Variants in ZNF443 observed in about 807,000 individuals in gnomAD.
The protein encoded by ZNF443 is zinc finger protein 443.
Under a neutral mutation model 12.0 loss-of-function variants are expected in ZNF443, and 3 were observed. The ratio of observed to expected loss-of-function variants is 0.25; its 90% CI spans 0.11 to 0.64. The LOEUF is 0.64. Among genes scored for constraint, ZNF443 ranks in the 30% least tolerant of loss-of-function variants. The pLI is 0.84. For missense variants in ZNF443, 770 were observed against 808.8 expected (o/e 0.95, Z 0.58); for synonymous variants, 225 against 265.9 (o/e 0.85, Z 1.50).
intron 1 of ZNF443, among the ~76,000 whole-genome samples, chr19:12,434,797 C>T (rs1213880498): frequency 6.6e-6 from 1 of 152,028 alleles, no homozygotes; most frequent in East Asian, 1.9e-4. Context: ...ATCTCTCCCC[C>T]ATCAATGACA....
chr19:12,433,729 C>T (rs921304137), intron 1 of ZNF443, among the ~76,000 whole-genome samples: 2 of 151,464 alleles, frequency 1.3e-5, no homozygotes, highest in East Asian at 1.9e-4. Flanking sequence ...TTCTGAGAGT[C>T]TGGAATTTTG....
chr19:12,431,280 T>C lies in ZNF443; in HGVS notation c.892A>G (p.Ile298Val), dbSNP rs766544851. The change falls in exon 4 of 4, where the codon ATA (isoleucine) becomes GTA (valine). Residue 298 changes from isoleucine to valine, a missense_variant. By Grantham distance (29) the Ile-to-Val change is conservative. Coordinates refer to ENST00000301547, the MANE Select transcript of ZNF443 (RefSeq NM_005815.5). The stretch of plus-strand genomic sequence containing the variant: ...TCTCCAGTGTGAGTTCTTTCATGTA[T>C]TAGACAAGAACTGGAATCAGGGAAG... ...KAFPDSSSCL[I>V]HERTHTGEKP... 1.2e-6 allele frequency: 2 copies of C among 1,614,186 alleles called. No individual in the cohort carries two copies. The highest frequency in any genetic ancestry group is 1.1e-5 in the South Asian group (1 of 91,080).
At chr19:12,439,486 G>T (rs1487078314) in intron 1 of ZNF443, among the ~76,000 whole-genome samples, 2 of 152,118 alleles carry the variant, frequency 1.3e-5, no homozygotes, top group African/African-American at 4.8e-5. Context: ...CTTGGCAGCT[G>T]TGGACATCCA....
chr19:12,437,703 T>G (rs1305952404), intron 1 of ZNF443, among the ~76,000 whole-genome samples: 2 of 152,090 alleles, frequency 1.3e-5, no homozygotes, highest in East Asian at 3.8e-4. Context: ...GAAAACTATT[T>G]TTTTTATTCT....
rs1970237264 is a variant in ZNF443, at chr19:12,430,505, C to A, written c.1667G>T (p.Gly556Val). The A allele has an allele frequency of 6.2e-7, 1 of 1,614,160 alleles. No homozygotes were observed. The highest frequency in any genetic ancestry group is 8.5e-7 in the Non-Finnish European group (1 of 1,179,990). Residue 556 changes from glycine (G) to valine (V), a missense_variant, in exon 4 of 4, where the codon GGA (glycine) becomes GTA (valine). By Grantham distance (109) the Gly-to-Val change is moderately radical (BLOSUM62 -3). Transcript: ENST00000301547. ...TTCCTTACATTCATACGGCTTCTCT[C>A]CAGAGTGAATTCTTTCATGTACCTT... ...NLKVHERIHSGEKPYECKECG... is the reference protein window; with the variant it reads ...NLKVHERIHSVEKPYECKECG...
rs186925665 is a variant in ZNF443 at position 12,430,874 on chromosome 19, G to C, written c.1298C>G (p.Pro433Arg). 1 of 1,613,866 alleles carries C rather than the reference G, an allele frequency of 6.2e-7. No homozygotes were observed. Among genetic ancestry groups the C allele is most frequent in the Non-Finnish European group, 8.5e-7 (1 of 1,179,928 alleles). ...CCTTTCATGTCTTTGAAATACACTG[G>C]GATAAACAAAGGCTTTCCCACATAC... ...CKVCGKAFVY[P>R]SVFQRHERTH... is the part of the protein sequence containing the mutation. Residue 433 changes from proline to arginine, a missense_variant, in exon 4 of 4, where the codon CCC becomes CGC. Transcript: ENST00000301547.
chr19:12,430,600 C>T lies in ZNF443; in HGVS notation c.1572G>A (p.Arg524=). Residue 524 remains arginine (R), a synonymous_variant, in exon 4 of 4, where the codon AGG becomes AGA. Coordinates refer to ENST00000301547, the MANE Select transcript of ZNF443 (RefSeq NM_005815.5). ...SRFRYLSRHK[R]THTGEKPYEC... ...CATAAGGTTTCTCTCCTGTGTGAGT[C>T]CTTTTATGTCGAGAAAGGTATCTGA... is the stretch of plus-strand genomic sequence containing the variant. The T allele has an allele frequency of 6.2e-7, 1 of 1,613,472 alleles. No homozygotes were observed. Among genetic ancestry groups the T allele is most frequent in the Non-Finnish European group, 8.5e-7 (1 of 1,179,824 alleles).
chr19:12,435,188 C>T (rs574057332), intron 1 of ZNF443, among the ~76,000 whole-genome samples: 7 of 152,180 alleles, frequency 4.6e-5, no homozygotes, highest in African/African-American at 1.7e-4. Context: ...GTTGGCCAGG[C>T]TGGTCTCAAA....
chr19:12,440,375 G>C (rs1346682367), intron 1 of ZNF443, among the ~76,000 whole-genome samples: 1 of 152,002 alleles, frequency 6.6e-6, no homozygotes, highest in Non-Finnish European at 1.5e-5. Context: ...AATCCCAGCA[G>C]AAAGGCTGGC....
Position 12,441,018 on chromosome 19 carries a change from C to G in ZNF443, c.-104G>C, listed in dbSNP as rs117371426. The G allele has an allele frequency of 4.4e-6, 7 of 1,600,798 alleles. No individual in the cohort carries two copies. The highest frequency in any genetic ancestry group is 6.0e-6 in the Non-Finnish European group (7 of 1,173,306). ...TCAGAACTTCCAGGTCGTCTCTCAG[C>G]TACAGAACCCAGAGCCGAGCGCAGG... On this transcript the variant is annotated 5_prime_UTR_variant, in exon 1 of 4. Coordinates refer to ENST00000301547, the MANE Select transcript of ZNF443 (RefSeq NM_005815.5).
In ZNF443 at chr19:12,430,313, T is replaced by G. The variant is rs1599619505; in HGVS notation, c.1859A>C (p.Glu620Ala). Residue 620 changes from glutamate to alanine, a missense_variant, in exon 4 of 4, where the codon GAA becomes GCA. Physicochemically the swap from Glu to Ala is moderately radical, Grantham distance 107 (BLOSUM62 -1). Transcript: ENST00000301547. Reference sequence around the variant, plus strand: ...GAGAGAAGCAAATGCTTTCCCACATTCCTTACATTCATACGGGTTCTCTCC... The same window carrying G: ...GAGAGAAGCAAATGCTTTCCCACATGCCTTACATTCATACGGGTTCTCTCC... The part of the protein sequence containing the change: ...HTGENPYECK[E>A]CGKAFASLSS... The G allele has an allele frequency of 6.2e-7, 1 of 1,613,632 alleles. No individual in the cohort carries two copies. The highest frequency in any genetic ancestry group is 8.5e-7 in the Non-Finnish European group (1 of 1,179,854).
In ZNF443 at chr19:12,435,306, T is replaced by C. The variant is rs866003233; in HGVS notation, c.4-2109A>G. ...CCTCTCTTCTACTTTATCTACAATA[T>C]AACACGATCAGGGTCCAATTTGGCA... is the stretch of plus-strand genomic sequence containing the variant. On this transcript the variant is annotated intron_variant, in intron 1 of 3. Transcript: ENST00000301547. Among the ~76,000 whole-genome samples the C allele has an allele frequency of 6.8e-4, 104 of 152,170 alleles. No homozygotes were observed. The Middle Eastern group carries it at 0.01, about 15-fold the overall frequency.
chr19:12,433,988 TAG>T (rs2144952790), intron 1 of ZNF443, among the ~76,000 whole-genome samples: 1 of 152,296 alleles, frequency 6.6e-6, no homozygotes, highest in African/African-American at 2.4e-5. Context: ...AGATCTGAGC[TAG>T]ACACTCAGCT....
chr19:12,431,466 A>C lies in ZNF443; in HGVS notation c.706T>G (p.Phe236Val). 1.9e-6 allele frequency: 3 copies of C among 1,613,780 alleles called. No individual in the cohort carries two copies. The highest frequency in any genetic ancestry group is 8.5e-7 in the Non-Finnish European group (1 of 1,179,912). The change falls in exon 4 of 4, where the codon TTT becomes GTT. Residue 236 changes from phenylalanine to valine, a missense_variant. By Grantham distance (50) the Phe-to-Val change is conservative. This residue lies in a region of ZNF443 where 736 missense variants were observed against 689.4 expected (regional missense o/e 1.07). Transcript: ENST00000301547. ...TCATGTCTTAGATAGGAACTGTAAA[A>C]AGAAAAGGCTTTAGAACACTGCTTA... The part of the protein sequence containing the change: ...ECKQCSKAFS[F>V]YSSYLRHERT...
chr19:12,435,849 A>G (rs984917277), intron 1 of ZNF443, among the ~76,000 whole-genome samples: 2 of 151,988 alleles, frequency 1.3e-5, no homozygotes, highest in African/African-American at 4.8e-5. Context: ...TGAAAATGTT[A>G]TTAAACAAAT....
chr19:12,439,907 A>G (rs28757617), intron 1 of ZNF443, among the ~76,000 whole-genome samples: 110,962 of 151,426 alleles, frequency 0.73, 41,103 homozygotes, highest in Non-Finnish European at 0.79. Context: ...TGAATTAAGG[A>G]CAGAAGGTTA....
intron 1 of ZNF443, among the ~76,000 whole-genome samples, chr19:12,439,460 T>A (rs1349153119): frequency 6.6e-6 from 1 of 152,092 alleles, no homozygotes; most frequent in Non-Finnish European, 1.5e-5. Flanking sequence ...TGATATTCAC[T>A]AGACCCTCCA....
rs533901012 is a variant in ZNF443, at chr19:12,431,416, C to T, written c.756G>A (p.Pro252=). 115 of 1,612,194 alleles carry T rather than the reference C, an allele frequency of 7.1e-5. No homozygotes were observed. Among genetic ancestry groups the T allele is most frequent in the African/African-American group, 5.0e-4 (37 of 74,420 alleles). ...CTTTAGAACACTGTTTACATTCATACGGTTTCTCCCCAGTATGTGTTCTTT... is the reference window on the plus strand; with the variant it reads ...CTTTAGAACACTGTTTACATTCATATGGTTTCTCCCCAGTATGTGTTCTTT... ...RHERTHTGEK[P]YECKQCSKAF... is the part of the protein sequence containing the mutation. Residue 252 remains proline (P), a synonymous_variant, in exon 4 of 4, where the codon CCG becomes CCA. Transcript: ENST00000301547.
At chr19:12,433,859 A>G (rs1466183926) in intron 1 of ZNF443, among the ~76,000 whole-genome samples, 1 of 152,086 alleles carries the variant, frequency 6.6e-6, no homozygotes, top group Non-Finnish European at 1.5e-5. Flanking sequence ...AAAAAAGAAA[A>G]AAAAAGTGGG....
Sources: allele counts gnomAD v4.1 joint callset (sites outside exome capture counted in the v4.1 genomes callset), GRCh38; gene constraint gnomAD v4.1.1; regional missense constraint gnomAD v4.1.1; transcripts MANE v1.5; gene names NCBI Gene and HGNC (gene_info 2026-07-23, HGNC 2026-07-21).